Variants in PRDM5 observed in about 807,000 individuals in gnomAD.
PRDM5 encodes PR domain zinc finger protein 5.
Under a neutral mutation model 81.2 loss-of-function variants are expected in PRDM5, and 56 were observed. The ratio of observed to expected loss-of-function variants is 0.69; its 90% confidence interval spans 0.56 to 0.86. The LOEUF is 0.86. PRDM5 is among the 40% of genes least tolerant of loss of function. The probability of loss-of-function intolerance (pLI) is 0.00; values close to 1 mark genes in which losing one functional copy is unlikely to be tolerated. For synonymous variants in PRDM5, 267 were observed against 256.4 expected (o/e 1.04, Z -0.39); for missense variants, 697 against 770.1 (o/e 0.91, Z 1.12).
intron 4 of PRDM5, 79 bp from the exon 5 acceptor site, chr4:120,818,606 T>G: frequency 2.5e-6 from 3 of 1,203,418 alleles, no homozygotes; most frequent in Non-Finnish European, 3.7e-6. Context: ...TCATTTTAAA[T>G]TAATTAATTA....
chr4:120,778,857 G>T (rs1748583600), intron 12 of PRDM5, among the ~76,000 whole-genome samples: 1 of 151,950 alleles, frequency 6.6e-6, no homozygotes, highest in Non-Finnish European at 1.5e-5. Flanking sequence ...CCACATTATG[G>T]TTCAATCTAA....
At chr4:120,755,245 GACAAGCACACATAT>G (rs1744564487) in intron 13 of PRDM5, among the ~76,000 whole-genome samples, 1 of 152,202 alleles carries the variant, frequency 6.6e-6, no homozygotes, top group Admixed American at 6.5e-5. Context: ...TGTTTTTCAA[GACAAGCACACATAT>G]ACACAGCACA....
intron 3 of PRDM5, chr4:120,838,110 A>G (rs1159751548): frequency 6.6e-6 from 1 of 152,202 alleles, no homozygotes; most frequent in African/African-American, 2.4e-5. Context: ...CTTCTGTTAA[A>G]CAAAGCTCCA....
intron 14 of PRDM5, among the ~76,000 whole-genome samples, chr4:120,733,849 C>A (rs1283782021): frequency 1.3e-5 from 2 of 148,308 alleles, no homozygotes; most frequent in Non-Finnish European, 3.0e-5. Context: ...GTGAACTAAG[C>A]TCTAAGAAAA....
At chr4:120,740,447 T>C (rs942087194) in intron 14 of PRDM5, among the ~76,000 whole-genome samples, 2 of 152,114 alleles carry the variant, frequency 1.3e-5, no homozygotes, top group Admixed American at 1.3e-4. Flanking sequence ...TATCCGCTCC[T>C]CCCCTCCTTC....
intron 3 of PRDM5, 118 bp downstream of exon 3, chr4:120,853,300 G>A: frequency 6.9e-7 from 1 of 1,451,872 alleles, no homozygotes; most frequent in Non-Finnish European, 9.6e-7. Context: ...CTGCTTTTAT[G>A]AGTTACTGTT....
Position 120,699,473 on chromosome 4 carries a change from C to T in PRDM5, c.1729-4198G>A, listed in dbSNP as rs114260261. Among the ~76,000 whole-genome samples, 633 of 152,062 alleles carry T rather than the reference C, an allele frequency of 4.2e-3. 3 individuals carry two copies. Among genetic ancestry groups the T allele is most frequent in the African/African-American group, 0.014 (585 of 41,486 alleles). ...AGCCCAAGAGACACAAACTGCAATC[C>T]TAACAGTGCCCTGAAAGCAAACAAG... On this transcript the variant is annotated intron_variant, in intron 15 of 15. Coordinates refer to ENST00000264808, the MANE Select transcript of PRDM5 (RefSeq NM_018699.4).
chr4:120,739,917 A>G (rs1741671234), intron 14 of PRDM5, among the ~76,000 whole-genome samples: 1 of 152,210 alleles, frequency 6.6e-6, no homozygotes, highest in South Asian at 2.1e-4. Context: ...ACCATCAGAA[A>G]GAATTTTCAC....
chr4:120,748,982 T>C (rs1743571043), intron 14 of PRDM5, among the ~76,000 whole-genome samples: 1 of 152,164 alleles, frequency 6.6e-6, no homozygotes, highest in South Asian at 2.1e-4. Context: ...TATCAGCTCC[T>C]GGGCAGGAAA....
chr4:120,878,798 T>C (rs979127067), intron 2 of PRDM5, among the ~76,000 whole-genome samples: 1 of 152,172 alleles, frequency 6.6e-6, no homozygotes, highest in Non-Finnish European at 1.5e-5. Flanking sequence ...TTGAATATCA[T>C]ATGTCATTAG....
In PRDM5 at chr4:120,875,712, C is replaced by CA. The variant is rs2148559606; in HGVS notation, c.178-22173dup. Among the ~76,000 whole-genome samples, 3 of 152,044 alleles carry CA rather than the reference C, an allele frequency of 2.0e-5. No homozygotes were observed. The East Asian group carries it at 5.8e-4, about 29-fold the overall frequency. Reference sequence around the variant, plus strand: ...GCAGTGTAGTTAGTGACAGATTTCACAAAAAAAGTAGTAGAGTAGTAGACA... The same window carrying CA: ...GCAGTGTAGTTAGTGACAGATTTCACAAAAAAAAGTAGTAGAGTAGTAGACA... On this transcript the variant is annotated intron_variant, in intron 2 of 15. Coordinates refer to ENST00000264808, the MANE Select transcript of PRDM5 (RefSeq NM_018699.4).
At chr4:120,710,498 T>A in intron 14 of PRDM5, 85 bp from the exon 15 acceptor site, 1 of 1,095,370 alleles carries the variant, frequency 9.1e-7, no homozygotes, top group East Asian at 2.4e-5. Context: ...TGTTATGGGA[T>A]CCACAGAATA....
At chr4:120,778,904 C>G (rs952813348) in intron 12 of PRDM5, among the ~76,000 whole-genome samples, 1 of 152,106 alleles carries the variant, frequency 6.6e-6, no homozygotes, top group Non-Finnish European at 1.5e-5. Context: ...TAACAGACCT[C>G]TCTTCTTTCC....
At chr4:120,878,318 A>T (rs1762522519) in intron 2 of PRDM5, among the ~76,000 whole-genome samples, 1 of 152,236 alleles carries the variant, frequency 6.6e-6, no homozygotes, top group East Asian at 1.9e-4. Flanking sequence ...GGAAAAGGAT[A>T]GTCTTTTCAA....
At chr4:120,689,172 C>G (rs1733943463), downstream of PRDM5, among the ~76,000 whole-genome samples, 1 of 152,162 alleles carries the variant, frequency 6.6e-6, no homozygotes, top group Admixed American at 6.6e-5. Flanking sequence ...AGTATCTTAA[C>G]CAGCTAAATT....
chr4:120,821,743 TAAA>T (rs35419987), intron 3 of PRDM5, among the ~76,000 whole-genome samples: 3 of 138,258 alleles, frequency 2.2e-5, no homozygotes, highest in African/African-American at 5.3e-5. Context: ...ACACAAAACT[TAAA>T]AAAAAAAAAA....
chr4:120,728,294 TGATATGTCATTAC>T (rs1388646574), intron 14 of PRDM5, among the ~76,000 whole-genome samples: 1 of 152,136 alleles, frequency 6.6e-6, no homozygotes, highest in Non-Finnish European at 1.5e-5. Context: ...TCCATCTGTC[TGATATGTCATTAC>T]AGTATAAATA....
intron 14 of PRDM5, among the ~76,000 whole-genome samples, chr4:120,742,550 A>T (rs1368121010): frequency 3.9e-5 from 6 of 151,932 alleles, no homozygotes; most frequent in Non-Finnish European, 8.8e-5. Context: ...AGAAGAATGT[A>T]TAACTAGAAT....
chr4:120,785,174 C>T (rs1027091844), intron 10 of PRDM5, 83 bp from the exon 11 acceptor site: 11 of 1,070,040 alleles, frequency 1.0e-5, no homozygotes, highest in Middle Eastern at 2.0e-4. Context: ...ATTCATGATG[C>T]GAAAGAGGAA....
Sources: allele counts gnomAD v4.1 joint callset (sites outside exome capture counted in the v4.1 genomes callset), GRCh38; gene constraint gnomAD v4.1.1; transcripts MANE v1.5; gene names NCBI Gene and HGNC (gene_info 2026-07-23, HGNC 2026-07-21).